Variants in FBLN2 observed in about 807,000 individuals in gnomAD.
The protein encoded by FBLN2 is fibulin-2.
Under a neutral mutation model 123.7 loss-of-function variants are expected in FBLN2, and 81 were observed. The observed-to-expected ratio is 0.65, with a 90% CI of 0.55 to 0.79. FBLN2 has a LOEUF of 0.79. Among genes scored for constraint, FBLN2 ranks in the 30% least tolerant of loss-of-function variants. FBLN2 has a pLI of 0.00. For synonymous variants in FBLN2, 699 were observed against 701.4 expected (o/e 1.00, Z 0.05); for missense variants, 1,603 against 1,681.3 (o/e 0.95, Z 0.81).
intron 1 of FBLN2, among the ~76,000 whole-genome samples, chr3:13,568,390 C>T (rs975950319): frequency 6.6e-6 from 1 of 152,256 alleles, no homozygotes; most frequent in African/African-American, 2.4e-5. Flanking sequence ...TGCCTCTCTT[C>T]GCTCACTGCC....
intron 16 of FBLN2, among the ~76,000 whole-genome samples, chr3:13,634,758 G>A (rs11711625): frequency 0.23 from 34,576 of 152,100 alleles, 4,109 homozygotes; most frequent in South Asian, 0.33. Context: ...CCCGCTACAA[G>A]AGAGCCTGGC....
At position 13,574,652 on chromosome 3, in the gene FBLN2, G is replaced by A. The variant is rs3773294; in HGVS notation, c.1306+2991G>A. Reference sequence around the variant, plus strand: ...TAGGCCCCAGGGCTGCCATGGCAACGCGGCTGGAGGGGTCACTTCTGGCCC... The same window carrying A: ...TAGGCCCCAGGGCTGCCATGGCAACACGGCTGGAGGGGTCACTTCTGGCCC... On this transcript the variant is annotated intron_variant, in intron 2 of 17. Transcript: ENST00000404922. Among the ~76,000 whole-genome samples the A allele has an allele frequency of 0.024, 3,633 of 152,128 alleles. 221 individuals are homozygous for A. The East Asian group carries it at 0.24, about 10-fold the overall frequency.
At chr3:13,636,042 G>A (rs1706453123) in intron 16 of FBLN2, among the ~76,000 whole-genome samples, 1 of 152,216 alleles carries the variant, frequency 6.6e-6, no homozygotes, top group African/African-American at 2.4e-5. Flanking sequence ...GCTGGGGATA[G>A]CGTTCCAGCA....
chr3:13,638,311 T>A lies in FBLN2; in HGVS notation c.*392T>A. On this transcript the variant is annotated 3_prime_UTR_variant, in exon 18 of 18. Transcript: ENST00000404922. The stretch of plus-strand genomic sequence containing the variant: ...TTCTTTTCTTTTTTAAAAAATCATT[T>A]TAAAGTTTTTTGTTTAACTATAAAG... 1 of 427,980 alleles carries A rather than the reference T, an allele frequency of 2.3e-6. No individual in the cohort carries two copies. 26.5% of individuals were successfully genotyped at this position (427,980 alleles called of 1,614,324 possible).
At chr3:13,605,499 T>C (rs917523059) in intron 2 of FBLN2, among the ~76,000 whole-genome samples, 2 of 152,216 alleles carry the variant, frequency 1.3e-5, no homozygotes, top group African/African-American at 4.8e-5. Context: ...CACACTTCTG[T>C]GTGTTGGTGT....
Position 13,637,836 on chromosome 3 carries a change from G to C in FBLN2, c.3613G>C (p.Val1205Leu), listed in dbSNP as rs1362022448. 2 of 1,613,312 alleles carry C rather than the reference G, an allele frequency of 1.2e-6. No individual in the cohort carries two copies. The highest frequency in any genetic ancestry group is 1.7e-6 in the Non-Finnish European group (2 of 1,179,390). Residue 1205 changes from valine to leucine, a missense_variant, in exon 18 of 18, where the codon GTG (valine) becomes CTG (leucine). Physicochemically the swap from Val to Leu is conservative, Grantham distance 32. Coordinates refer to ENST00000404922, the MANE Select transcript of FBLN2 (RefSeq NM_001004019.2). ...VLEPRDFALD[V>L]EMKLWRQGSV... is the part of the protein sequence containing the mutation. ...GGAGCCCCGGGACTTTGCCCTGGAC[G>C]TGGAGATGAAGCTCTGGAGGCAGGG...
At chr3:13,557,245 G>A (rs1232267076) in intron 1 of FBLN2, among the ~76,000 whole-genome samples, 2 of 152,252 alleles carry the variant, frequency 1.3e-5, no homozygotes, top group African/African-American at 4.8e-5. Context: ...ACTGAGCGAG[G>A]CAGCCTGCTG....
chr3:13,566,795 G>A (rs1038963662), intron 1 of FBLN2, among the ~76,000 whole-genome samples: 2 of 152,238 alleles, frequency 1.3e-5, no homozygotes, highest in African/African-American at 2.4e-5. Context: ...TTATGTGAAC[G>A]TTTTCAATTT....
intron 2 of FBLN2, among the ~76,000 whole-genome samples, chr3:13,589,726 C>G (rs1433635490): frequency 6.6e-6 from 1 of 152,158 alleles, no homozygotes; most frequent in Non-Finnish European, 1.5e-5. Flanking sequence ...TTCCCTAATG[C>G]CTTCTAATAC....
At position 13,630,802 on chromosome 3, in the gene FBLN2, G is replaced by A. The variant is rs1414837169; in HGVS notation, c.3072G>A (p.Gly1024=). The A allele has an allele frequency of 6.2e-7, 1 of 1,600,930 alleles. No homozygotes were observed. The highest frequency in any genetic ancestry group is 8.5e-7 in the Non-Finnish European group (1 of 1,173,744). The change falls in exon 15 of 18, where the codon GGG becomes GGA. Residue 1024 remains glycine (G), a synonymous_variant. Transcript: ENST00000404922. ...AGGGCTACCAGCTGGCTGAGGATGG[G>A]CACACCTGCACAGGTACCTCTCCCC... ...CRQGYQLAED[G]HTCTDIDECA...
chr3:13,574,443 G>C (rs1704067346), intron 2 of FBLN2, among the ~76,000 whole-genome samples: 1 of 152,214 alleles, frequency 6.6e-6, no homozygotes, highest in African/African-American at 2.4e-5. Flanking sequence ...AGTGACAACA[G>C]ACGTCAGACC....
At chr3:13,603,967 T>C (rs1236532617) in intron 2 of FBLN2, among the ~76,000 whole-genome samples, 3 of 152,226 alleles carry the variant, frequency 2.0e-5, no homozygotes, top group African/African-American at 7.2e-5. Flanking sequence ...TGGTTTTGAT[T>C]TGCATTTCTC....
chr3:13,636,421 G>A (rs756891240), intron 16 of FBLN2, 24 bp from the exon 17 acceptor site: 2 of 1,612,148 alleles, frequency 1.2e-6, no homozygotes, highest in Non-Finnish European at 1.7e-6. Flanking sequence ...TGGGGACCCT[G>A]CCATTGCCCC....
intron 2 of FBLN2, among the ~76,000 whole-genome samples, chr3:13,584,367 A>T (rs934078897): frequency 6.6e-6 from 1 of 152,058 alleles, no homozygotes; most frequent in Non-Finnish European, 1.5e-5. Context: ...GGTGCAGAGG[A>T]TGGGGGCCCA....
intron 17 of FBLN2, among the ~76,000 whole-genome samples, chr3:13,637,265 G>A (rs1425646444): frequency 6.6e-6 from 1 of 152,194 alleles, no homozygotes; most frequent in African/African-American, 2.4e-5. Flanking sequence ...GGAAGAATGG[G>A]AGGATGGCAG....
At chr3:13,608,530 G>T (rs1705284057) in intron 3 of FBLN2, among the ~76,000 whole-genome samples, 1 of 152,192 alleles carries the variant, frequency 6.6e-6, no homozygotes, top group Non-Finnish European at 1.5e-5. Flanking sequence ...TGCCACTCAG[G>T]CTTTCTCTCC....
At chr3:13,629,454 CTGCCAGGACCTGGCTCTGG>C (rs753576882) in intron 13 of FBLN2, among the ~76,000 whole-genome samples, 162 bp downstream of exon 13, 36 of 152,208 alleles carry the variant, frequency 2.4e-4, no homozygotes, top group Admixed American at 3.9e-4. Context: ...CCTGCTGGGC[CTGCCAGGACCTGGCTCTGG>C]CCCCCGCCCC....
chr3:13,618,215 T>G lies in FBLN2; in HGVS notation c.1869T>G (p.Thr623=). 6.2e-7 allele frequency: 1 copy of G among 1,613,948 alleles called. No individual in the cohort carries two copies. Among genetic ancestry groups the G allele is most frequent in the Non-Finnish European group, 8.5e-7 (1 of 1,179,904 alleles). The change falls in exon 6 of 18, where the codon ACT becomes ACG. Residue 623 remains threonine, a synonymous_variant. Transcript: ENST00000404922. ...GELCQHLCIN[T]VGSYHCACFP... ...TGTGCCAGCACCTTTGCATCAATAC[T>G]GTGGGTTCTTACCACTGTGCCTGCT... is the stretch of plus-strand genomic sequence containing the variant.
chr3:13,627,165 C>T (rs577768819), intron 10 of FBLN2, among the ~76,000 whole-genome samples: 1 of 151,930 alleles, frequency 6.6e-6, no homozygotes, highest in African/African-American at 2.4e-5. Flanking sequence ...CAAGGAGGCC[C>T]CTGGAGGAGG....
Sources: allele counts gnomAD v4.1 joint callset (sites outside exome capture counted in the v4.1 genomes callset), GRCh38; gene constraint gnomAD v4.1.1; transcripts MANE v1.5; gene names NCBI Gene and HGNC (gene_info 2026-07-23, HGNC 2026-07-21).